The following CYREN variants were observed in gnomAD, a reference collection of about 807,000 sequenced individuals.
CYREN encodes cell cycle regulator of NHEJ.
A neutral mutation model predicts 9.7 loss-of-function variants in CYREN; 7 were observed. The ratio of observed to expected loss-of-function variants is 0.72; its 90% CI spans 0.41 to 1.36. The LOEUF is 1.36. CYREN is among the 40% of genes most tolerant of loss of function. The pLI, the probability that CYREN is intolerant of heterozygous loss-of-function variation, is 0.01. For missense variants in CYREN, 215 were observed against 198.1 expected, an observed-to-expected ratio of 1.09 and a Z score of -0.51; for synonymous variants, 76 against 77.9, an observed-to-expected ratio of 0.98 and a Z score of 0.13.
chr7:135,141,950 T>C (rs1829460384), intron 2 of CYREN, among the ~76,000 whole-genome samples: 1 of 152,156 alleles, frequency 6.6e-6, no homozygotes, highest in Admixed American at 6.5e-5. Context: ...TTTCTGAGAA[T>C]TGCTTTATGG....
intron 2 of CYREN, among the ~76,000 whole-genome samples, chr7:135,142,861 G>A (rs1460651009): frequency 1.3e-5 from 2 of 152,158 alleles, no homozygotes; most frequent in Non-Finnish European, 2.9e-5. Context: ...TTCATAGACA[G>A]GAAAACTCAA....
intron 2 of CYREN, among the ~76,000 whole-genome samples, chr7:135,114,608 C>T (rs1006729694): frequency 1.3e-5 from 2 of 152,062 alleles, no homozygotes; most frequent in African/African-American, 4.8e-5. Flanking sequence ...ACATCCAATT[C>T]TTTAGAAAAT....
intron 2 of CYREN, among the ~76,000 whole-genome samples, chr7:135,114,821 C>T (rs1470458907): frequency 6.6e-6 from 1 of 152,196 alleles, no homozygotes; most frequent in African/African-American, 2.4e-5. Context: ...CTCAGACTGA[C>T]ACTCCTCTGC....
At chr7:135,096,558 A>AAGAAAGAAAGAT (rs1303741491) in intron 2 of CYREN, among the ~76,000 whole-genome samples, 1 of 79,730 alleles carries the variant, frequency 1.3e-5, no homozygotes, top group African/African-American at 4.6e-5. Flanking sequence ...GAAAGAAAGA[A>AAGAAAGAAAGAT]AGATAGATAG....
In CYREN at chr7:135,166,297, G is replaced by A. The variant is rs1830126603; in HGVS notation, c.*314C>T. 3 of 268,464 alleles carry A rather than the reference G, an allele frequency of 1.1e-5. No individual in the cohort carries two copies. The South Asian group carries it at 3.8e-4, about 34-fold the overall frequency. 16.6% of individuals were successfully genotyped at this position (268,464 alleles called of 1,614,324 possible). A position where few individuals can be genotyped will look rare whatever the true frequency, so the allele number is the denominator to read the frequency against. On this transcript the variant is annotated 3_prime_UTR_variant, in exon 4 of 4. Transcript: ENST00000393114. Reference sequence around the variant, plus strand: ...ACCACCACATGACATCATTTTCCCTGGAACCTGGTCACTGACTAACACAGA... The same window carrying A: ...ACCACCACATGACATCATTTTCCCTAGAACCTGGTCACTGACTAACACAGA...
chr7:135,110,864 A>G (rs1260729374), intron 2 of CYREN, among the ~76,000 whole-genome samples: 1 of 152,212 alleles, frequency 6.6e-6, no homozygotes, highest in African/African-American at 2.4e-5. Context: ...AACAACTGCA[A>G]TTCTGGATGA....
At chr7:135,125,475 C>CT (rs1171961604) in intron 2 of CYREN, among the ~76,000 whole-genome samples, 2 of 152,170 alleles carry the variant, frequency 1.3e-5, no homozygotes, top group African/African-American at 4.8e-5. Flanking sequence ...CAAAGAAGAG[C>CT]TGGTACCATT....
chr7:135,156,845 G>C (rs1226173616), intron 2 of CYREN, among the ~76,000 whole-genome samples: 3 of 152,144 alleles, frequency 2.0e-5, no homozygotes, highest in Non-Finnish European at 4.4e-5. Flanking sequence ...TGTTGTGAGA[G>C]GGGACGCCAG....
At chr7:135,147,592 G>A (rs574770563) in intron 2 of CYREN, among the ~76,000 whole-genome samples, 1 of 152,318 alleles carries the variant, frequency 6.6e-6, no homozygotes, top group South Asian at 2.1e-4. Context: ...AAACACTGCA[G>A]TGAGAATGCT....
Position 135,115,372 on chromosome 7 carries a change from C to A in CYREN, n.357-20790G>T, listed in dbSNP as rs1203546816. 8 of 1,526,958 alleles carry A rather than the reference C, an allele frequency of 5.2e-6. No homozygotes were observed. The South Asian group carries it at 8.5e-5, about 16-fold the overall frequency. The allele number at this position is 1,526,958 out of a possible 1,614,324, so 94.6% of individuals were successfully genotyped here. On this transcript the variant is annotated intron_variant and non_coding_transcript_variant, in intron 2 of 2. Transcript: ENST00000459937. ...ATCTCTGTACATATTTTTGTGGTTG[C>A]TCCCCAGATCTGCACCACAACTTAA...
chr7:135,139,764 G>T (rs994139198), intron 2 of CYREN, among the ~76,000 whole-genome samples: 4 of 151,978 alleles, frequency 2.6e-5, no homozygotes, highest in African/African-American at 9.7e-5. Flanking sequence ...TGAAAGGAAG[G>T]GGTCCAATTT....
chr7:135,097,201 C>A (rs942611732), intron 2 of CYREN, among the ~76,000 whole-genome samples: 1 of 152,096 alleles, frequency 6.6e-6, no homozygotes, highest in African/African-American at 2.4e-5. Context: ...ACTAAAATAT[C>A]CCGTCGGTCA....
intron 2 of CYREN, among the ~76,000 whole-genome samples, chr7:135,127,903 T>C (rs1419305878): frequency 1.3e-5 from 2 of 152,118 alleles, no homozygotes; most frequent in Non-Finnish European, 2.9e-5. Context: ...CTGTTTACAA[T>C]AGCAAAGACA....
downstream of CYREN, chr7:135,164,374 ACAAG>A: frequency 1.4e-6 from 2 of 1,461,688 alleles, no homozygotes; most frequent in Non-Finnish European, 1.9e-6. Context: ...GACACAGGGA[ACAAG>A]CAAGGGAGAG....
At chr7:135,096,558 A>AAGATAGATAGATAGATAGAT (rs1167936702) in intron 2 of CYREN, among the ~76,000 whole-genome samples, 16,278 of 78,538 alleles carry the variant, frequency 0.21, 1,750 homozygotes, top group East Asian at 0.3. Flanking sequence ...GAAAGAAAGA[A>AAGATAGATAGATAGATAGAT]AGATAGATAG....
chr7:135,100,927 T>C (rs1477703281), intron 2 of CYREN, among the ~76,000 whole-genome samples: 1 of 152,180 alleles, frequency 6.6e-6, no homozygotes, highest in Non-Finnish European at 1.5e-5. Context: ...CCTGCCTACA[T>C]CATGAGACTG....
chr7:135,112,967 G>A (rs1057145907), intron 2 of CYREN, among the ~76,000 whole-genome samples: 3 of 152,090 alleles, frequency 2.0e-5, no homozygotes, highest in Admixed American at 2.0e-4. Context: ...AGTAGAGACA[G>A]GGTTTCACCC....
chr7:135,097,681 C>T (rs1313782188), intron 2 of CYREN, among the ~76,000 whole-genome samples: 10 of 152,004 alleles, frequency 6.6e-5, no homozygotes, highest in Admixed American at 6.6e-4. Flanking sequence ...TTTTTAATTT[C>T]CTGAAAACAT....
intron 2 of CYREN, chr7:135,115,557 C>T: frequency 6.4e-7 from 1 of 1,551,402 alleles, no homozygotes; most frequent in Non-Finnish European, 8.7e-7. Context: ...AACATGCAAA[C>T]CACTCAGATA....
Sources: gnomAD v4.1 joint callset for allele counts (sites outside exome capture counted in the v4.1 genomes callset) on GRCh38, gnomAD v4.1.1 for gene constraint, MANE v1.5 for transcripts, NCBI Gene and HGNC (gene_info 2026-07-23, HGNC 2026-07-21) for gene names.